The following INPP5F variants were observed in gnomAD, a reference collection of about 807,000 sequenced individuals.
INPP5F encodes the protein inositol polyphosphate-5-phosphatase F.
A neutral mutation model predicts 137.2 loss-of-function variants in INPP5F; 97 were observed. That is an observed-to-expected ratio of 0.71 (90% CI 0.60 to 0.84). INPP5F has a LOEUF of 0.84. Ranked by LOEUF, INPP5F falls within the 40% of genes least tolerant of loss-of-function variation. The pLI, the probability that INPP5F is intolerant of heterozygous loss-of-function variation, is 0.00. For synonymous variants in INPP5F, 504 were observed against 476.9 expected, an observed-to-expected ratio of 1.06 and a Z score of -0.74; for missense variants, 1,271 against 1,371.9, an observed-to-expected ratio of 0.93 and a Z score of 1.16.
At chr10:119,765,967 A>G (rs1394728250) in intron 2 of INPP5F, among the ~76,000 whole-genome samples, 2 of 151,856 alleles carry the variant, frequency 1.3e-5, no homozygotes, top group Admixed American at 6.6e-5. Flanking sequence ...AATTATTATA[A>G]GGGATTGGCT....
intron 1 of INPP5F, among the ~76,000 whole-genome samples, chr10:119,742,100 G>A (rs1291749139): frequency 6.6e-6 from 1 of 152,092 alleles, no homozygotes. Context: ...TGGGTTTACA[G>A]GCATAGAGCC....
rs1850037478 is a variant in INPP5F at position 119,789,176 on chromosome 10, A to T, written c.316-2341A>T. Among the ~76,000 whole-genome samples the T allele has an allele frequency of 2.0e-5, 3 of 151,872 alleles. No homozygotes were observed. The South Asian group carries it at 6.3e-4, about 32-fold the overall frequency. ...GGAGACGGAGGTTGTGGTGAGCCGA[A>T]ACTGCGCCATTACACTCCAGCCTGG... is the stretch of plus-strand genomic sequence containing the variant. On this transcript the variant is annotated intron_variant, in intron 3 of 19. Transcript: ENST00000650623.
chr10:119,736,525 A>G (rs1848220874), intron 1 of INPP5F, among the ~76,000 whole-genome samples: 1 of 152,190 alleles, frequency 6.6e-6, no homozygotes, highest in Admixed American at 6.5e-5. Context: ...TATACAGTTA[A>G]GTCTATACCT....
In INPP5F at chr10:119,804,361, G is replaced by A. The variant is rs536008489; in HGVS notation, c.1241+64G>A. The A allele has an allele frequency of 1.1e-4, 144 of 1,311,062 alleles. 1 individual carries two copies. The highest frequency in any genetic ancestry group is 1.4e-4 in the Non-Finnish European group (138 of 982,594). 81.2% of individuals were successfully genotyped at this position (1,311,062 alleles called of 1,614,324 possible). On this transcript the variant is annotated intron_variant, in intron 10 of 19. Transcript: ENST00000650623. ...GTGTTTTTGGTAGATGCTGCCACAG[G>A]GACCTTAGTTTCTCTTCTTTGCTGG... is the stretch of plus-strand genomic sequence containing the variant.
intron 2 of INPP5F, 80 bp from the exon 3 acceptor site, chr10:119,781,555 T>G (rs1849706636): frequency 3.2e-6 from 4 of 1,250,854 alleles, no homozygotes; most frequent in Non-Finnish European, 4.3e-6. Flanking sequence ...TTGTTATCAT[T>G]GTTAGGTTAT....
chr10:119,826,503 C>G (rs1327347583), intron 19 of INPP5F, 128 bp from the exon 20 acceptor site: 1 of 707,508 alleles, frequency 1.4e-6, no homozygotes, highest in Non-Finnish European at 2.4e-6. Flanking sequence ...GGTTATCTGT[C>G]AGTTAGCAAT....
chr10:119,784,737 G>A (rs540780950), intron 3 of INPP5F, among the ~76,000 whole-genome samples: 2 of 152,302 alleles, frequency 1.3e-5, no homozygotes, highest in African/African-American at 4.8e-5. Context: ...CCCGTTTAAA[G>A]TATGTAAGTC....
intron 2 of INPP5F, among the ~76,000 whole-genome samples, chr10:119,766,283 C>T (rs1380664950): frequency 6.6e-6 from 1 of 152,174 alleles, no homozygotes; most frequent in Non-Finnish European, 1.5e-5. Context: ...ATGCAAATCT[C>T]TTCTGGAAAT....
chr10:119,726,773 G>A (rs1564793982), intron 1 of INPP5F, among the ~76,000 whole-genome samples: 1 of 152,248 alleles, frequency 6.6e-6, no homozygotes, highest in Admixed American at 6.5e-5. Flanking sequence ...GATCTGGAGC[G>A]GTTGCGCCAG....
intron 2 of INPP5F, among the ~76,000 whole-genome samples, chr10:119,763,976 T>C (rs1849081428): frequency 6.6e-6 from 1 of 152,242 alleles, no homozygotes; most frequent in Non-Finnish European, 1.5e-5. Context: ...AATAACACGT[T>C]CCTTATTTTC....
chr10:119,801,210 T>C (rs767964908), intron 9 of INPP5F, among the ~76,000 whole-genome samples: 10 of 152,206 alleles, frequency 6.6e-5, no homozygotes, highest in Non-Finnish European at 1.2e-4. Flanking sequence ...CGTGTACTAA[T>C]GGGAAGATCT....
At chr10:119,792,364 CAT>C in intron 6 of INPP5F, 151 bp downstream of exon 6, 1 of 655,948 alleles carries the variant, frequency 1.5e-6, no homozygotes, top group Non-Finnish European at 2.6e-6. Flanking sequence ...GAATGGGAAT[CAT>C]TTAGCCAGGA....
At chr10:119,756,146 ACT>A (rs748491955) in intron 2 of INPP5F, among the ~76,000 whole-genome samples, 2 of 151,900 alleles carry the variant, frequency 1.3e-5, no homozygotes, top group East Asian at 1.9e-4. Flanking sequence ...ACAGAGCAAG[ACT>A]CTGTCTCAAG....
chr10:119,798,816 A>C (rs1313800556), intron 9 of INPP5F, among the ~76,000 whole-genome samples: 4 of 129,524 alleles, frequency 3.1e-5, no homozygotes, highest in Non-Finnish European at 6.5e-5. Flanking sequence ...TTTTTTAAAG[A>C]GACACTGTCT....
At chr10:119,761,222 C>G (rs1352314576) in intron 2 of INPP5F, among the ~76,000 whole-genome samples, 1 of 152,088 alleles carries the variant, frequency 6.6e-6, no homozygotes, top group Admixed American at 6.6e-5. Flanking sequence ...GAAATAGAGC[C>G]TATTAAAAAT....
At chr10:119,799,554 G>GA (rs1338343353) in intron 9 of INPP5F, among the ~76,000 whole-genome samples, 1 of 151,516 alleles carries the variant, frequency 6.6e-6, no homozygotes, top group Non-Finnish European at 1.5e-5. Flanking sequence ...CCCTCAAATT[G>GA]AAAAAAAATA....
intron 1 of INPP5F, among the ~76,000 whole-genome samples, chr10:119,732,502 T>TTTTTTC (rs1554882803): frequency 1.7e-4 from 15 of 86,688 alleles, no homozygotes; most frequent in African/African-American, 3.9e-4. Context: ...TCTTTTTTCT[T>TTTTTTC]TTTTTTTTTT....
At chr10:119,745,417 G>A (rs1395210884) in intron 1 of INPP5F, among the ~76,000 whole-genome samples, 1 of 141,724 alleles carries the variant, frequency 7.1e-6, no homozygotes, top group Non-Finnish European at 1.5e-5. Context: ...CAAGACTTTT[G>A]CAGTAACCCA....
intron 1 of INPP5F, among the ~76,000 whole-genome samples, chr10:119,749,319 G>T (rs964026917): frequency 1.4e-4 from 21 of 152,250 alleles, no homozygotes; most frequent in Non-Finnish European, 2.6e-4. Flanking sequence ...GCTCCATGGA[G>T]GGCGCAGCCC....
Sources: gnomAD v4.1 joint callset for allele counts (sites outside exome capture counted in the v4.1 genomes callset) on GRCh38, gnomAD v4.1.1 for gene constraint, MANE v1.5 for transcripts, NCBI Gene and HGNC (gene_info 2026-07-23, HGNC 2026-07-21) for gene names.